ANKRD33B: variants seen among roughly 807,000 people sequenced by gnomAD.
ANKRD33B encodes the protein ankyrin repeat domain 33B.
Under a neutral mutation model 21.5 loss-of-function variants are expected in ANKRD33B, and 6 were observed. The observed-to-expected ratio is 0.28, with a 90% confidence interval of 0.15 to 0.55. ANKRD33B has a LOEUF of 0.55. Ranked by LOEUF, ANKRD33B falls within the 20% of genes least tolerant of loss-of-function variation. The pLI is 0.94. For synonymous variants in ANKRD33B, 347 were observed against 342.4 expected (o/e 1.01, Z -0.15); for missense variants, 698 against 747.2 (o/e 0.93, Z 0.77).
At chr5:10,599,461 C>T (rs986686178) in intron 1 of ANKRD33B, among the ~76,000 whole-genome samples, 2 of 151,926 alleles carry the variant, frequency 1.3e-5, no homozygotes, top group Non-Finnish European at 2.9e-5. Flanking sequence ...TTTTATCATC[C>T]CTCTCCCCCC....
intron 1 of ANKRD33B, 29 bp downstream of exon 1, chr5:10,564,862 C>A: frequency 6.8e-7 from 1 of 1,472,714 alleles, no homozygotes; most frequent in Non-Finnish European, 9.0e-7. Flanking sequence ...AGGATTTGAG[C>A]CCCCTCACTG....
intron 3 of ANKRD33B, among the ~76,000 whole-genome samples, chr5:10,643,192 C>T (rs1306555793): frequency 3.9e-5 from 6 of 152,028 alleles, no homozygotes; most frequent in East Asian, 1.9e-4. Context: ...TGTGAGCCAC[C>T]GCACCTGGCC....
chr5:10,646,603 A>T (rs1737193856), intron 3 of ANKRD33B, among the ~76,000 whole-genome samples: 1 of 152,242 alleles, frequency 6.6e-6, no homozygotes, highest in Non-Finnish European at 1.5e-5. Flanking sequence ...TCTTTCAGGC[A>T]GTGTTCATTA....
chr5:10,632,826 T>C (rs1736758232), intron 2 of ANKRD33B, among the ~76,000 whole-genome samples: 1 of 152,222 alleles, frequency 6.6e-6, no homozygotes, highest in African/African-American at 2.4e-5. Context: ...CTTGCTCTGT[T>C]GCCCAGGCTG....
intron 2 of ANKRD33B, chr5:10,627,890 A>G (rs888792776): frequency 6.6e-6 from 1 of 152,228 alleles, no homozygotes; most frequent in Non-Finnish European, 1.5e-5. Context: ...AGGGCTCCTC[A>G]GCCAGCTTGG....
In ANKRD33B at chr5:10,634,320, G is replaced by A. The variant is rs963184914; in HGVS notation, c.497-3708G>A. 2.1e-5 allele frequency among the ~76,000 whole-genome samples: 3 copies of A among 144,648 alleles called. No individual in the cohort carries two copies. The Admixed American group carries it at 2.1e-4, about 10-fold the overall frequency. 94.9% of individuals were successfully genotyped at this position (144,648 alleles called of 152,430 possible). On this transcript the variant is annotated intron_variant, in intron 2 of 3. Coordinates refer to ENST00000296657, the MANE Select transcript of ANKRD33B (RefSeq NM_001164440.2). ...TGGGTCACTTGTGACCCTCTCTTAA[G>A]CAGGGTAGGGCTTATTGGTGGAGAG...
At chr5:10,611,224 A>G in intron 1 of ANKRD33B, among the ~76,000 whole-genome samples, 1 of 152,208 alleles carries the variant, frequency 6.6e-6, no homozygotes, top group Non-Finnish European at 1.5e-5. Context: ...TTCCTTTAAA[A>G]AGTTTGAAGC....
Position 10,656,795 on chromosome 5 carries a change from C to T in ANKRD33B, c.*6682C>T, listed in dbSNP as rs1440481140. 1 of 152,406 alleles carries T rather than the reference C, an allele frequency of 6.6e-6. No individual in the cohort carries two copies. The highest frequency in any genetic ancestry group is 1.5e-5 in the Non-Finnish European group (1 of 68,066). 9.4% of individuals were successfully genotyped at this position (152,406 alleles called of 1,614,324 possible). A position where few individuals can be genotyped will look rare whatever the true frequency, so the allele number is the denominator to read the frequency against. ...CCCCTGGAAGAGCTCCCCAGGCATT[C>T]AGCCTATGGCCCTTGACATTTGGCT... On this transcript the variant is annotated 3_prime_UTR_variant, in exon 4 of 4. Coordinates refer to ENST00000296657, the MANE Select transcript of ANKRD33B (RefSeq NM_001164440.2).
At chr5:10,618,259 C>A in intron 1 of ANKRD33B, 74 bp from the exon 2 acceptor site, 2 of 1,528,130 alleles carry the variant, frequency 1.3e-6, no homozygotes. Context: ...AGTGGGTGCC[C>A]CTCGGGGTCC....
At chr5:10,575,562 C>T (rs1266187712) in intron 1 of ANKRD33B, among the ~76,000 whole-genome samples, 1 of 152,088 alleles carries the variant, frequency 6.6e-6, no homozygotes, top group Non-Finnish European at 1.5e-5. Context: ...GGGCAGAGTC[C>T]CCTATTTAAG....
At chr5:10,636,523 G>A (rs543688700) in intron 2 of ANKRD33B, among the ~76,000 whole-genome samples, 180 of 152,210 alleles carry the variant, frequency 1.2e-3, no homozygotes, top group Non-Finnish European at 1.9e-3. Context: ...AGGCTGAGGA[G>A]GGAGGATCTC....
intron 1 of ANKRD33B, among the ~76,000 whole-genome samples, chr5:10,574,237 A>G (rs895872751): frequency 1.0e-4 from 16 of 152,394 alleles, no homozygotes; most frequent in Admixed American, 4.6e-4. Context: ...TTCAATTAAA[A>G]GGATTTATGT....
At chr5:10,620,301 A>T (rs1736391786) in intron 2 of ANKRD33B, among the ~76,000 whole-genome samples, 1 of 152,116 alleles carries the variant, frequency 6.6e-6, no homozygotes, top group South Asian at 2.1e-4. Context: ...GGATAACACC[A>T]ACTGCAAAGG....
chr5:10,583,181 T>C (rs1735480651), intron 1 of ANKRD33B, among the ~76,000 whole-genome samples: 1 of 152,028 alleles, frequency 6.6e-6, no homozygotes, highest in Admixed American at 6.6e-5. Context: ...GTATTGTTAG[T>C]AGAGACAGGT....
intron 2 of ANKRD33B, among the ~76,000 whole-genome samples, chr5:10,636,456 A>AT (rs1297062575): frequency 1.7e-4 from 21 of 126,210 alleles, no homozygotes; most frequent in African/African-American, 3.4e-4. Context: ...TACAAAAAAA[A>AT]ATTTTTTTTA....
At position 10,639,051 on chromosome 5, in the gene ANKRD33B, A is replaced by G. The variant is rs527850034; in HGVS notation, c.637+883A>G. 6.8e-5 allele frequency among the ~76,000 whole-genome samples: 5 copies of G among 73,184 alleles called. 1 individual carries two copies. In the East Asian group the frequency reaches 1.1e-3, roughly 16 times the overall value. The allele number at this position is 73,184 out of a possible 152,430, so 48.0% of individuals were successfully genotyped here. ...GCGGCGATGTTAGCGGGTGACGCGGAGTTGCGCGGCGATGTTAGCGGGTGA... is the reference window on the plus strand; with the variant it reads ...GCGGCGATGTTAGCGGGTGACGCGGGGTTGCGCGGCGATGTTAGCGGGTGA... On this transcript the variant is annotated intron_variant, in intron 3 of 3. Transcript: ENST00000296657.
At chr5:10,565,935 G>A (rs907856352) in intron 1 of ANKRD33B, among the ~76,000 whole-genome samples, 18 of 152,360 alleles carry the variant, frequency 1.2e-4, no homozygotes, top group African/African-American at 3.8e-4. Flanking sequence ...GTGACCTTGT[G>A]CCTTTGGTTT....
chr5:10,580,017 C>T (rs1215685048), intron 1 of ANKRD33B, among the ~76,000 whole-genome samples: 1 of 152,118 alleles, frequency 6.6e-6, no homozygotes, highest in African/African-American at 2.4e-5. Context: ...AACCATTAAT[C>T]TACTCTGTCT....
rs1737350118 is a variant in ANKRD33B at position 10,651,226 on chromosome 5, G to C, written c.*1113G>C. Reference sequence around the variant, plus strand: ...GGCTCAGTTCCAAAGAGTCCGTTGTGTGGATATTTCTTTTATTTTTCCTTT... The same window carrying C: ...GGCTCAGTTCCAAAGAGTCCGTTGTCTGGATATTTCTTTTATTTTTCCTTT... On this transcript the variant is annotated 3_prime_UTR_variant, in exon 4 of 4. Coordinates refer to ENST00000296657, the MANE Select transcript of ANKRD33B (RefSeq NM_001164440.2). 6.6e-6 allele frequency: 1 copy of C among 152,370 alleles called. No individual in the cohort carries two copies. The highest frequency in any genetic ancestry group is 2.1e-4 in the South Asian group (1 of 4,832). 9.4% of individuals were successfully genotyped at this position (152,370 alleles called of 1,614,324 possible).
Sources: allele counts gnomAD v4.1 joint callset (sites outside exome capture counted in the v4.1 genomes callset), GRCh38; gene constraint gnomAD v4.1.1; transcripts MANE v1.5; gene names NCBI Gene and HGNC (gene_info 2026-07-23, HGNC 2026-07-21).